The following SLC38A6 variants were observed in gnomAD, a reference collection of about 807,000 sequenced individuals.
SLC38A6 encodes the protein N system amino acid transporter NAT-1.
In SLC38A6, 73 loss-of-function variants were observed where a neutral mutation model predicts 65.0. The observed-to-expected ratio is 1.12, with a 90% CI of 0.93 to 1.37. The LOEUF is 1.37. Among genes scored for constraint, SLC38A6 ranks in the 40% most tolerant of loss-of-function variants. SLC38A6 has a pLI of 0.00. For missense variants in SLC38A6, 561 were observed against 531.1 expected (o/e 1.06, Z -0.55); for synonymous variants, 183 against 178.8 (o/e 1.02, Z -0.19).
intron 16 of SLC38A6, among the ~76,000 whole-genome samples, chr14:61,083,224 T>C (rs2043726005): frequency 1.3e-5 from 2 of 152,130 alleles, no homozygotes; most frequent in African/African-American, 4.8e-5. Context: ...GAGGTCAAGG[T>C]GTCTGCTGCC....
intron 3 of SLC38A6, among the ~76,000 whole-genome samples, chr14:61,013,555 C>CAGG (rs976242968): frequency 6.6e-6 from 1 of 152,200 alleles, no homozygotes; most frequent in Non-Finnish European, 1.5e-5. Context: ...GTGCTTCCTT[C>CAGG]AGGAGCTCTT....
chr14:61,043,530 T>C (rs745718075), intron 10 of SLC38A6, 27 bp downstream of exon 10: 4 of 1,549,762 alleles, frequency 2.6e-6, no homozygotes, highest in African/African-American at 1.4e-5. Flanking sequence ...CAGATACTTT[T>C]AGTTGATTTT....
At chr14:60,991,622 T>G (rs1172624636) in intron 3 of SLC38A6, among the ~76,000 whole-genome samples, 1 of 152,188 alleles carries the variant, frequency 6.6e-6, no homozygotes, top group Non-Finnish European at 1.5e-5. Flanking sequence ...TTCTGTGCTC[T>G]TCTTGGACGT....
At chr14:61,064,934 G>A (rs1035068115) in intron 15 of SLC38A6, among the ~76,000 whole-genome samples, 2 of 152,082 alleles carry the variant, frequency 1.3e-5, no homozygotes, top group African/African-American at 2.4e-5. Context: ...CATGAGCTTA[G>A]CATTTAAATG....
intron 5 of SLC38A6, among the ~76,000 whole-genome samples, chr14:61,026,368 T>A (rs1166974612): frequency 6.6e-6 from 1 of 152,086 alleles, no homozygotes; most frequent in Non-Finnish European, 1.5e-5. Flanking sequence ...TAGCAGTAGA[T>A]GCAATAGAAT....
intron 8 of SLC38A6, among the ~76,000 whole-genome samples, chr14:61,039,631 A>G (rs1396012914): frequency 6.6e-6 from 1 of 150,478 alleles, no homozygotes; most frequent in South Asian, 2.1e-4. Flanking sequence ...TCGGCCTCCC[A>G]AAGTGCTGGG....
At chr14:60,989,845 T>A (rs184027176) in intron 3 of SLC38A6, among the ~76,000 whole-genome samples, 88 of 152,344 alleles carry the variant, frequency 5.8e-4, no homozygotes, top group Middle Eastern at 3.4e-3. Context: ...CAATGATCAG[T>A]TCTCAGTCAG....
At chr14:61,070,538 C>G (rs1400025521) in intron 15 of SLC38A6, among the ~76,000 whole-genome samples, 2 of 152,200 alleles carry the variant, frequency 1.3e-5, no homozygotes, top group Admixed American at 6.5e-5. Flanking sequence ...AATATCTCTT[C>G]CAAGATTCTG....
chr14:61,078,058 G>A (rs1483791234), intron 15 of SLC38A6, among the ~76,000 whole-genome samples: 1 of 152,180 alleles, frequency 6.6e-6, no homozygotes, highest in Non-Finnish European at 1.5e-5. Flanking sequence ...CAATCCAATG[G>A]AGGTGACCTC....
At chr14:61,039,163 A>G (rs2041614009) in intron 8 of SLC38A6, among the ~76,000 whole-genome samples, 1 of 152,156 alleles carries the variant, frequency 6.6e-6, no homozygotes. Context: ...TGTTTCTGTC[A>G]TGACAGATAC....
At chr14:60,994,482 T>G (rs2038129956) in intron 3 of SLC38A6, among the ~76,000 whole-genome samples, 1 of 150,820 alleles carries the variant, frequency 6.6e-6, no homozygotes, top group Non-Finnish European at 1.5e-5. Context: ...GAGTTGGAGG[T>G]TGCGGTGAGC....
Position 61,007,024 on chromosome 14 carries a change from G to A in SLC38A6, c.311-8880G>A, listed in dbSNP as rs543754278. On this transcript the variant is annotated intron_variant, in intron 3 of 15. Coordinates refer to ENST00000267488, the MANE Select transcript of SLC38A6 (RefSeq NM_153811.3). ...AATGATGAGTTCATGTCCTTTGTAG[G>A]GACATGGATGAAATTGGAAATCATC... Among the ~76,000 whole-genome samples, 5 of 152,196 alleles carry A rather than the reference G, an allele frequency of 3.3e-5. No individual in the cohort carries two copies. The South Asian group carries it at 1.0e-3, about 32-fold the overall frequency.
In SLC38A6 at chr14:61,030,509, T is replaced by A; in HGVS notation, c.468T>A (p.Thr156=). The A allele has an allele frequency of 6.2e-7, 1 of 1,609,172 alleles. No individual in the cohort carries two copies. Among genetic ancestry groups the A allele is most frequent in the Non-Finnish European group, 8.5e-7 (1 of 1,176,928 alleles). ...ELPAAIAEFL[T]GDYSRYWYLD... is the part of the protein sequence containing the mutation. ...CTGCTGCTATTGCAGAATTTTTGAC[T>A]GGAGACTATAGTAGGTAAGAAAAAG... The change falls in exon 6 of 16, where the codon ACT becomes ACA. Residue 156 remains threonine, a synonymous_variant. Transcript: ENST00000267488.
At chr14:61,079,138 T>TG (rs1479255945) in intron 16 of SLC38A6, among the ~76,000 whole-genome samples, 5 of 143,278 alleles carry the variant, frequency 3.5e-5, no homozygotes, top group Non-Finnish European at 7.6e-5. Flanking sequence ...CCAAACTTTT[T>TG]TTTTTTTTTT....
At chr14:61,055,374 T>G (rs1191398946), downstream of SLC38A6, among the ~76,000 whole-genome samples, 1 of 19,176 alleles carries the variant, frequency 5.2e-5, no homozygotes, top group Non-Finnish European at 1.2e-4. Flanking sequence ...GGTGTTTGGT[T>G]TTTTGTTCTT....
At chr14:61,014,927 T>G (rs957537860) in intron 3 of SLC38A6, among the ~76,000 whole-genome samples, 2 of 152,190 alleles carry the variant, frequency 1.3e-5, no homozygotes, top group Non-Finnish European at 2.9e-5. Context: ...ACAGAGACAT[T>G]TAAGTCTGGA....
intron 15 of SLC38A6, among the ~76,000 whole-genome samples, chr14:61,069,849 C>G (rs2043166417): frequency 6.6e-6 from 1 of 152,140 alleles, no homozygotes; most frequent in African/African-American, 2.4e-5. Flanking sequence ...CAGTTTTCCT[C>G]CTTGGAAGCA....
chr14:60,981,503 C>T (rs2037017410), intron 1 of SLC38A6, 121 bp downstream of exon 1: 1 of 1,535,312 alleles, frequency 6.5e-7, no homozygotes, highest in Admixed American at 2.0e-5. Flanking sequence ...AGCCTGAACC[C>T]TGGGGGATGG....
intron 12 of SLC38A6, among the ~76,000 whole-genome samples, chr14:61,048,719 C>T (rs528213243): frequency 4.1e-4 from 62 of 152,146 alleles, no homozygotes; most frequent in African/African-American, 1.5e-3. Context: ...TAGGTATGTA[C>T]CTAGATTAAT....
Sources: gnomAD v4.1 joint callset for allele counts (sites outside exome capture counted in the v4.1 genomes callset) on GRCh38, gnomAD v4.1.1 for gene constraint, MANE v1.5 for transcripts, NCBI Gene and HGNC (gene_info 2026-07-23, HGNC 2026-07-21) for gene names.